The following ITIH2 variants were observed in gnomAD, a reference collection of about 807,000 sequenced individuals.
ITIH2 encodes inter-alpha-trypsin inhibitor heavy chain 2.
In ITIH2, 103 loss-of-function variants were observed where a neutral mutation model predicts 104.4. The observed-to-expected ratio is 0.99, with a 90% CI of 0.84 to 1.16. ITIH2 has a LOEUF of 1.16. Ranked by LOEUF, ITIH2 falls within the 50% of genes most tolerant of loss-of-function variation. The probability of loss-of-function intolerance (pLI) is 0.00; values close to 1 mark genes in which losing one functional copy is unlikely to be tolerated. For missense variants in ITIH2, 1,108 were observed against 1,162.4 expected (o/e 0.95, Z 0.68); for synonymous variants, 436 against 435.4 (o/e 1.00, Z -0.02).
At chr10:7,722,856 C>T (rs923273545) in intron 8 of ITIH2, among the ~76,000 whole-genome samples, 11 of 152,360 alleles carry the variant, frequency 7.2e-5, no homozygotes, top group Admixed American at 2.0e-4. Flanking sequence ...CCCTTATCCT[C>T]TGCTGGCTGG....
intron 1 of ITIH2, among the ~76,000 whole-genome samples, chr10:7,704,586 G>T (rs759476058): frequency 2.6e-5 from 4 of 152,146 alleles, no homozygotes; most frequent in Non-Finnish European, 5.9e-5. Context: ...CTTACCACCT[G>T]CTGGCAAACT....
chr10:7,736,805 A>G (rs1433707908), intron 15 of ITIH2, among the ~76,000 whole-genome samples: 1 of 152,214 alleles, frequency 6.6e-6, no homozygotes, highest in Non-Finnish European at 1.5e-5. Context: ...TCTACTTTTA[A>G]GAGAACTTGT....
intron 12 of ITIH2, among the ~76,000 whole-genome samples, chr10:7,731,437 T>C (rs755142788): frequency 9.2e-5 from 14 of 152,078 alleles, no homozygotes; most frequent in Non-Finnish European, 1.9e-4. Flanking sequence ...AATCTCAGAG[T>C]AAAATGTTTT....
rs1448911228 is a variant in ITIH2 at position 7,738,762 on chromosome 10, A to G, written c.2095+4A>G. The stretch of plus-strand genomic sequence containing the variant: ...CCACCCCCACATGTGATGAGAGGTA[A>G]CGCTTCTACACTGCTTGCACGTCCC... On this transcript the variant is annotated splice_donor_region_variant and intron_variant, in intron 16 of 20. Coordinates refer to ENST00000358415, the MANE Select transcript of ITIH2 (RefSeq NM_002216.3). The G allele has an allele frequency of 1.3e-6, 2 of 1,588,724 alleles. No individual in the cohort carries two copies. Among genetic ancestry groups the G allele is most frequent in the Non-Finnish European group, 1.7e-6 (2 of 1,167,758 alleles).
rs1361219613 is a variant in ITIH2, at chr10:7,737,631, ATATTCTATAGAATATTC to A, written c.1958-986_1958-970del. On this transcript the variant is annotated intron_variant, in intron 15 of 20. Coordinates refer to ENST00000358415, the MANE Select transcript of ITIH2 (RefSeq NM_002216.3). ...TATAGAATATTCTATATTATATTCT[ATATTCTATAGAATATTC>A]TATATTATATTCTATATTATATTCT... Among the ~76,000 whole-genome samples, 153 of 109,908 alleles carry A rather than the reference ATATTCTATAGAATATTC, an allele frequency of 1.4e-3. 4 individuals carry two copies. Among genetic ancestry groups the A allele is most frequent in the African/African-American group, 4.4e-3 (118 of 26,536 alleles). The allele number at this position is 109,908 out of a possible 152,430, so 72.1% of individuals were successfully genotyped here. A position where few individuals can be genotyped will look rare whatever the true frequency, so the allele number is the denominator to read the frequency against.
At chr10:7,716,395 C>A (rs1329940788) in intron 5 of ITIH2, among the ~76,000 whole-genome samples, 1 of 152,144 alleles carries the variant, frequency 6.6e-6, no homozygotes, top group Non-Finnish European at 1.5e-5. Flanking sequence ...GATCAATGAT[C>A]ACATTGAACT....
At chr10:7,730,526 G>C (rs1293863614) in intron 12 of ITIH2, among the ~76,000 whole-genome samples, 1 of 152,112 alleles carries the variant, frequency 6.6e-6, no homozygotes, top group Non-Finnish European at 1.5e-5. Context: ...ATTTTCTTAA[G>C]TATTAAGATA....
At chr10:7,734,595 T>C (rs1835034576) in intron 14 of ITIH2, among the ~76,000 whole-genome samples, 1 of 152,192 alleles carries the variant, frequency 6.6e-6, no homozygotes, top group Admixed American at 6.5e-5. Context: ...CTCAGGAGGC[T>C]GAGGGAGGAG....
At chr10:7,738,583 A>G in intron 15 of ITIH2, 38 bp from the exon 16 acceptor site, 1 of 1,611,374 alleles carries the variant, frequency 6.2e-7, no homozygotes, top group Non-Finnish European at 8.5e-7. Flanking sequence ...GTGGAAACGT[A>G]AATCTAGAAA....
In ITIH2 at chr10:7,744,358, A is replaced by G; in HGVS notation, c.2408+78A>G. 2.5e-6 allele frequency: 3 copies of G among 1,178,866 alleles called. No homozygotes were observed. The South Asian group carries it at 4.0e-5, about 16-fold the overall frequency. The allele number at this position is 1,178,866 out of a possible 1,614,324, so 73.0% of individuals were successfully genotyped here. A position where few individuals can be genotyped will look rare whatever the true frequency, so the allele number is the denominator to read the frequency against. ...AATAAATCCAGGCATCAGTGACATC[A>G]ACATTGAAAAAAAATCATCATTTTA... On this transcript the variant is annotated intron_variant, in intron 18 of 20. Coordinates refer to ENST00000358415, the MANE Select transcript of ITIH2 (RefSeq NM_002216.3).
chr10:7,710,495 A>C (rs1210532481), intron 4 of ITIH2, among the ~76,000 whole-genome samples: 1 of 152,180 alleles, frequency 6.6e-6, no homozygotes, highest in African/African-American at 2.4e-5. Context: ...GTTGCCAAGA[A>C]CACAGCAAAG....
intron 12 of ITIH2, among the ~76,000 whole-genome samples, chr10:7,731,078 C>T (rs1461960622): frequency 1.3e-5 from 2 of 152,142 alleles, no homozygotes; most frequent in East Asian, 3.9e-4. Context: ...GCCACCAGGC[C>T]CGGCTAATTT....
chr10:7,722,228 A>T (rs969196279), intron 8 of ITIH2, among the ~76,000 whole-genome samples: 1 of 152,200 alleles, frequency 6.6e-6, no homozygotes, highest in Non-Finnish European at 1.5e-5. Flanking sequence ...GTCATGTCCC[A>T]GACGTGTGTC....
intron 3 of ITIH2, among the ~76,000 whole-genome samples, chr10:7,707,446 C>T (rs1180382980): frequency 6.6e-6 from 1 of 151,890 alleles, no homozygotes; most frequent in Non-Finnish European, 1.5e-5. Flanking sequence ...GCTGAAGGGG[C>T]CCTTCTCTTC....
chr10:7,738,436 G>GTA lies in ITIH2; in HGVS notation c.1958-183_1958-182dup, dbSNP rs1184558632. On this transcript the variant is annotated intron_variant, in intron 15 of 20. Transcript: ENST00000358415. ...CAGGTTCCAGACTCCAGAGAGAACTGTATCACAGGCCTCCTCCCTCAGCAA... is the reference window on the plus strand; with the variant it reads ...CAGGTTCCAGACTCCAGAGAGAACTGTATATCACAGGCCTCCTCCCTCAGCAA... Among the ~76,000 whole-genome samples, 3 of 150,262 alleles carry GTA rather than the reference G, an allele frequency of 2.0e-5. No homozygotes were observed. In the East Asian group the frequency reaches 5.8e-4, roughly 29 times the overall value.
chr10:7,719,101 G>A (rs1029091168), intron 6 of ITIH2, among the ~76,000 whole-genome samples: 1 of 152,220 alleles, frequency 6.6e-6, no homozygotes, highest in African/African-American at 2.4e-5. Flanking sequence ...AAAGCAGACA[G>A]GTTGTGAATT....
At chr10:7,743,084 T>C (rs986863420) in intron 16 of ITIH2, 62 bp from the exon 17 acceptor site, 8 of 792,408 alleles carry the variant, frequency 1.0e-5, no homozygotes, top group Non-Finnish European at 1.7e-5. Context: ...AGGAATGACA[T>C]AGTGCTCAAA....
rs200682259 is a variant in ITIH2 at position 7,727,781 on chromosome 10, A to G, written c.1232A>G (p.Asn411Ser). 6 of 1,613,864 alleles carry G rather than the reference A, an allele frequency of 3.7e-6. No individual in the cohort carries two copies. Among genetic ancestry groups the G allele is most frequent in the Non-Finnish European group, 5.1e-6 (6 of 1,179,994 alleles). The change falls in exon 11 of 21, where the codon AAC becomes AGC. Residue 411 changes from asparagine to serine, a missense_variant. Coordinates refer to ENST00000358415, the MANE Select transcript of ITIH2 (RefSeq NM_002216.3). Reference protein sequence around the residue: ...EANNLGLLDPNSVSLIILVSD... With the variant: ...EANNLGLLDPSSVSLIILVSD... ...AATAACTTGGGACTGTTAGACCCCAACTCCGTCTCGCTGATCATTTTGGTT... is the reference window on the plus strand; with the variant it reads ...AATAACTTGGGACTGTTAGACCCCAGCTCCGTCTCGCTGATCATTTTGGTT...
chr10:7,709,229 C>T, intron 4 of ITIH2, 38 bp downstream of exon 4: 6 of 1,579,776 alleles, frequency 3.8e-6, no homozygotes, highest in Non-Finnish European at 5.2e-6. Context: ...ATTGTAGGTG[C>T]TCTACTCACA....
Sources: gnomAD v4.1 joint callset for allele counts (sites outside exome capture counted in the v4.1 genomes callset) on GRCh38, gnomAD v4.1.1 for gene constraint, MANE v1.5 for transcripts, NCBI Gene and HGNC (gene_info 2026-07-23, HGNC 2026-07-21) for gene names.